NFAT5: variants seen among roughly 807,000 people sequenced by gnomAD.
NFAT5 encodes nuclear factor of activated T-cells 5.
NFAT5 carries 31 observed loss-of-function variants against 166.5 expected under a neutral mutation model. That is an observed-to-expected ratio of 0.19 (90% CI 0.14 to 0.25). The LOEUF is 0.25. NFAT5 is among the 10% of genes least tolerant of loss of function. The pLI, the probability that NFAT5 is intolerant of heterozygous loss-of-function variation, is 1.00. For missense variants in NFAT5, 1,449 were observed against 1,821.8 expected, an observed-to-expected ratio of 0.80 and a Z score of 3.72; for synonymous variants, 612 against 639.7, an observed-to-expected ratio of 0.96 and a Z score of 0.65.
intron 2 of NFAT5, among the ~76,000 whole-genome samples, chr16:69,573,737 A>C (rs1279963938): frequency 6.6e-6 from 1 of 152,140 alleles, no homozygotes; most frequent in African/African-American, 2.4e-5. Context: ...TTCATATTCT[A>C]ATCCAGTGGT....
At chr16:69,581,901 T>TA (rs2031721996) in intron 2 of NFAT5, among the ~76,000 whole-genome samples, 2 of 152,212 alleles carry the variant, frequency 1.3e-5, no homozygotes, top group African/African-American at 4.8e-5. Context: ...TGAGAACGCT[T>TA]AAAATCTATT....
At chr16:69,641,496 G>C (rs1340384383) in intron 3 of NFAT5, among the ~76,000 whole-genome samples, 1 of 151,658 alleles carries the variant, frequency 6.6e-6, no homozygotes, top group Non-Finnish European at 1.5e-5. Flanking sequence ...CAAATGTTAG[G>C]GATCAAATTT....
rs928159727 is a variant in NFAT5, at chr16:69,647,553, C to T, written c.779C>T (p.Thr260Met). 9 of 1,592,664 alleles carry T rather than the reference C, an allele frequency of 5.7e-6. No homozygotes were observed. The highest frequency in any genetic ancestry group is 3.4e-5 in the Admixed American group (2 of 59,622). ...APHYVLSQLT[T>M]DNKGNSKAGN... ...CACTATGTGCTTTCTCAGCTTACCA[C>T]GGACAACAAAGGCAACTCAAAAGCG... The change falls in exon 4 of 15, where the codon ACG becomes ATG. Residue 260 changes from threonine (T) to methionine (M), a missense_variant. Thr to Met is a moderately conservative substitution (Grantham distance 81). Coordinates refer to ENST00000349945, the MANE Select transcript of NFAT5 (RefSeq NM_138713.4). The surrounding 1 kb of genome is among the most constrained non-coding windows in gnomAD (Gnocchi z 4.8).
chr16:69,581,105 G>T (rs530422642), intron 2 of NFAT5, among the ~76,000 whole-genome samples: 2 of 152,080 alleles, frequency 1.3e-5, no homozygotes, highest in African/African-American at 4.8e-5. Context: ...GCAGTGGTGC[G>T]ATCCTGGCTC....
chr16:69,618,280 CAG>C (rs1419863806), intron 2 of NFAT5, among the ~76,000 whole-genome samples: 2 of 151,580 alleles, frequency 1.3e-5, no homozygotes, highest in Non-Finnish European at 2.9e-5. Context: ...TTTAGGAAAA[CAG>C]TAATTAAATA....
Position 69,699,852 on chromosome 16 carries a change from ATGTGTGTGTG to A in NFAT5, c.*3515_*3524del, listed in dbSNP as rs754060819. 1 of 141,386 alleles carries A rather than the reference ATGTGTGTGTG, an allele frequency of 7.1e-6. No individual in the cohort carries two copies. The highest frequency in any genetic ancestry group is 1.6e-5 in the Non-Finnish European group (1 of 63,630). 8.8% of individuals were successfully genotyped at this position (141,386 alleles called of 1,614,324 possible). A position where few individuals can be genotyped will look rare whatever the true frequency, so the allele number is the denominator to read the frequency against. On this transcript the variant is annotated 3_prime_UTR_variant, in exon 15 of 15. Transcript: ENST00000349945. ...TCTCTCTCTCTGTGTGTGTGTGTGTATGTGTGTGTGTGTGTGTGTGTGTTTCCTTATTGTC... is the reference window on the plus strand; with the variant it reads ...TCTCTCTCTCTGTGTGTGTGTGTGTATGTGTGTGTGTGTTTCCTTATTGTC...
chr16:69,632,196 C>G (rs1040699134), intron 3 of NFAT5: 25 of 152,062 alleles, frequency 1.6e-4, no homozygotes, highest in Non-Finnish European at 1.5e-5. Context: ...TGTACAAAAA[C>G]TGAGGTGAAG....
At chr16:69,603,294 G>T (rs1175458686) in intron 2 of NFAT5, among the ~76,000 whole-genome samples, 1 of 151,998 alleles carries the variant, frequency 6.6e-6, no homozygotes, top group African/African-American at 2.4e-5. Context: ...ATAACCTAAA[G>T]TGTGCAAATA....
chr16:69,592,648 T>A (rs1030950809), intron 2 of NFAT5, among the ~76,000 whole-genome samples: 2 of 152,218 alleles, frequency 1.3e-5, no homozygotes, highest in African/African-American at 4.8e-5. Flanking sequence ...TTAATACTTA[T>A]GAAATTGATA....
rs767007911 is a variant in NFAT5 at position 69,691,988 on chromosome 16, A to G, written c.2163A>G (p.Ala721=). 1.2e-6 allele frequency: 2 copies of G among 1,614,036 alleles called. No homozygotes were observed. The highest frequency in any genetic ancestry group is 2.2e-5 in the East Asian group (1 of 44,902). Residue 721 remains alanine, a synonymous_variant, in exon 13 of 15, where the codon GCA becomes GCG. Transcript: ENST00000349945. The part of the protein sequence containing the change: ...SASSQLPNSD[A]LLQQATQFQT... ...CTAGTCAGCTGCCCAACAGCGATGC[A>G]CTATTGCAGCAGGCTACACAGTTTC...
At chr16:69,661,861 G>GA (rs2036160025) in intron 7 of NFAT5, among the ~76,000 whole-genome samples, 5 of 152,016 alleles carry the variant, frequency 3.3e-5, no homozygotes, top group African/African-American at 1.2e-4. Context: ...GCAGGCTGGG[G>GA]AAAAAACAGG....
chr16:69,601,419 G>A (rs746113409), intron 2 of NFAT5, among the ~76,000 whole-genome samples: 21 of 152,184 alleles, frequency 1.4e-4, no homozygotes, highest in Non-Finnish European at 2.6e-4. Flanking sequence ...CCAGGCTGGA[G>A]TGCAGTGGCG....
rs1378309783 is a variant in NFAT5, at chr16:69,655,591, C to T, written c.1006-18C>T. ...GAAATACTAATTAGTGTTTCTGTTG[C>T]ATGTTTTCTGGTTTCAGCTGGAAGG... On this transcript the variant is annotated intron_variant, in intron 5 of 14. Coordinates refer to ENST00000349945, the MANE Select transcript of NFAT5 (RefSeq NM_138713.4). 6.5e-7 allele frequency: 1 copy of T among 1,531,784 alleles called. No homozygotes were observed. Among genetic ancestry groups the T allele is most frequent in the East Asian group, 2.3e-5 (1 of 42,694 alleles). The allele number at this position is 1,531,784 out of a possible 1,614,324, so 94.9% of individuals were successfully genotyped here. A position where few individuals can be genotyped will look rare whatever the true frequency, so the allele number is the denominator to read the frequency against.
At chr16:69,684,494 A>T (rs2037205769) in intron 10 of NFAT5, among the ~76,000 whole-genome samples, 1 of 151,812 alleles carries the variant, frequency 6.6e-6, no homozygotes, top group Non-Finnish European at 1.5e-5. Context: ...CAGGAGGTGG[A>T]GGTTGCAGTG....
At position 69,576,765 on chromosome 16, in the gene NFAT5, T is replaced by C. The variant is rs546568850; in HGVS notation, c.127+8217T>C. On this transcript the variant is annotated intron_variant, in intron 2 of 14. Coordinates refer to ENST00000349945, the MANE Select transcript of NFAT5 (RefSeq NM_138713.4). ...AGTCCCAGCTACTTGGGAGGCAGGC[T>C]GAGGTGAGAGGATCACATGAGCCCA... is the stretch of plus-strand genomic sequence containing the variant. Among the ~76,000 whole-genome samples, 9 of 152,274 alleles carry C rather than the reference T, an allele frequency of 5.9e-5. No homozygotes were observed. In the South Asian group the frequency reaches 1.7e-3, roughly 28 times the overall value.
intron 11 of NFAT5, chr16:69,685,752 AAAATT>A (rs1403596749): frequency 2.0e-5 from 3 of 152,290 alleles, no homozygotes; most frequent in Admixed American, 2.0e-4. Context: ...TCTCTACAAA[AAAATT>A]AAAACAGGCC....
chr16:69,649,200 C>A, intron 4 of NFAT5: 1 of 961,140 alleles, frequency 1.0e-6, no homozygotes, highest in Non-Finnish European at 1.2e-6. Context: ...GATAGTAACA[C>A]AGATCTAAAA....
chr16:69,596,318 A>G (rs1226239709), intron 2 of NFAT5, among the ~76,000 whole-genome samples: 1 of 152,154 alleles, frequency 6.6e-6, no homozygotes, highest in Non-Finnish European at 1.5e-5. Context: ...AATGTTTTTG[A>G]CATCTGAGAG....
chr16:69,568,027 A>T (rs111779538), intron 1 of NFAT5, among the ~76,000 whole-genome samples: 8,278 of 152,250 alleles, frequency 0.054, 282 homozygotes, highest in Middle Eastern at 0.068. Context: ...AATACACTGC[A>T]GTTGGCCGGG....
Sources: allele counts gnomAD v4.1 joint callset (sites outside exome capture counted in the v4.1 genomes callset), GRCh38; gene constraint gnomAD v4.1.1; non-coding constraint Gnocchi (gnomAD v3.1); transcripts MANE v1.5; gene names NCBI Gene and HGNC (gene_info 2026-07-23, HGNC 2026-07-21).